The following PIK3C3 variants were observed in gnomAD, a reference collection of about 807,000 sequenced individuals.
PIK3C3 encodes phosphatidylinositol 3-kinase catalytic subunit type 3, also known as PI3-kinase type 3.
Under a neutral mutation model 126.1 loss-of-function variants are expected in PIK3C3, and 95 were observed. The ratio of observed to expected loss-of-function variants is 0.75; its 90% CI spans 0.64 to 0.89. PIK3C3 has a LOEUF of 0.89. Ranked by LOEUF, PIK3C3 falls within the 40% of genes least tolerant of loss-of-function variation. The pLI is 0.00. For missense variants in PIK3C3, 829 were observed against 1,063.2 expected (o/e 0.78, Z 3.06); for synonymous variants, 374 against 360.0 (o/e 1.04, Z -0.44).
In PIK3C3 at chr18:42,083,893, A is replaced by G. The variant is rs1598970233; in HGVS notation, c.*2756A>G. The stretch of plus-strand genomic sequence containing the variant: ...ATTTTTCACTGAGATAATGGTAGTG[A>G]TAGTACTGACCTCTAATGTGTGCAT... On this transcript the variant is annotated 3_prime_UTR_variant, in exon 25 of 25. Coordinates refer to ENST00000262039, the MANE Select transcript of PIK3C3 (RefSeq NM_002647.4). 1 of 152,210 alleles carries G rather than the reference A, an allele frequency of 6.6e-6. No individual in the cohort carries two copies. The highest frequency in any genetic ancestry group is 6.5e-5 in the Admixed American group (1 of 15,274). 9.4% of individuals were successfully genotyped at this position (152,210 alleles called of 1,614,324 possible). A position where few individuals can be genotyped will look rare whatever the true frequency, so the allele number is the denominator to read the frequency against.
Position 41,995,997 on chromosome 18 carries a change from A to G in PIK3C3, c.891+3A>G, listed in dbSNP as rs1982006415. 2 of 1,577,340 alleles carry G rather than the reference A, an allele frequency of 1.3e-6. No individual in the cohort carries two copies. Among genetic ancestry groups the G allele is most frequent in the Non-Finnish European group, 1.7e-6 (2 of 1,147,334 alleles). ...CTGCCACGAGAGATCAGTTAAATGT[A>G]AGAGAATTATGAAATATTAATTTAA... On this transcript the variant is annotated splice_donor_region_variant and intron_variant, in intron 8 of 24. Transcript: ENST00000262039.
At chr18:42,081,025 AT>A (rs1188966783) in intron 24 of PIK3C3, 97 bp from the exon 25 acceptor site, 2 of 703,128 alleles carry the variant, frequency 2.8e-6, no homozygotes, top group Non-Finnish European at 4.8e-6. Context: ...TGCACTTTTT[AT>A]TTTATTAGTA....
intron 9 of PIK3C3, among the ~76,000 whole-genome samples, chr18:41,999,522 G>C (rs1456607907): frequency 6.6e-6 from 1 of 152,076 alleles, no homozygotes; most frequent in Non-Finnish European, 1.5e-5. Flanking sequence ...GAAATTGATG[G>C]TGACCCATGG....
intron 4 of PIK3C3, among the ~76,000 whole-genome samples, chr18:41,975,938 G>T (rs904072970): frequency 6.6e-6 from 1 of 152,146 alleles, no homozygotes; most frequent in Non-Finnish European, 1.5e-5. Flanking sequence ...CTGACCTCGT[G>T]ATCTGCCTGC....
chr18:42,003,719 A>C (rs1017182233), intron 9 of PIK3C3, among the ~76,000 whole-genome samples: 1 of 152,226 alleles, frequency 6.6e-6, no homozygotes, highest in Non-Finnish European at 1.5e-5. Context: ...AAAGATGTAC[A>C]ACCAGCCAGA....
At chr18:42,068,441 A>G (rs558365193) in intron 24 of PIK3C3, among the ~76,000 whole-genome samples, 4 of 152,308 alleles carry the variant, frequency 2.6e-5, no homozygotes, top group South Asian at 2.1e-4. Context: ...CCAGAAATCA[A>G]TCTTCTTAAT....
chr18:42,051,964 T>A (rs1984823382), intron 21 of PIK3C3, among the ~76,000 whole-genome samples: 1 of 151,314 alleles, frequency 6.6e-6, no homozygotes, highest in African/African-American at 2.4e-5. Context: ...CCCTAAAACT[T>A]AAAGTATAAT....
chr18:41,961,805 T>C (rs534933157), intron 2 of PIK3C3, among the ~76,000 whole-genome samples: 1 of 152,176 alleles, frequency 6.6e-6, no homozygotes, highest in African/African-American at 2.4e-5. Context: ...CATAAATATA[T>C]AGAGGGTTTA....
Position 42,038,980 on chromosome 18 carries a change from TCCTG to T in PIK3C3, c.2038+136_2038+139del, listed in dbSNP as rs1433613050. ...GTAGCACTGAAGACAAGTTGGACCTTCCTGCCTGCTTCCCTTCTGTCTTTCCTTC... is the reference window on the plus strand; with the variant it reads ...GTAGCACTGAAGACAAGTTGGACCTTCCTGCTTCCCTTCTGTCTTTCCTTC... On this transcript the variant is annotated intron_variant, in intron 18 of 24. Coordinates refer to ENST00000262039, the MANE Select transcript of PIK3C3 (RefSeq NM_002647.4). 4.3e-5 allele frequency: 26 copies of T among 608,010 alleles called. No homozygotes were observed. The South Asian group carries it at 5.2e-4, about 12-fold the overall frequency. The allele number at this position is 608,010 out of a possible 1,614,324, so 37.7% of individuals were successfully genotyped here. A position where few individuals can be genotyped will look rare whatever the true frequency, so the allele number is the denominator to read the frequency against.
chr18:42,032,942 T>G (rs1429985612), intron 15 of PIK3C3, among the ~76,000 whole-genome samples: 1 of 152,136 alleles, frequency 6.6e-6, no homozygotes, highest in Non-Finnish European at 1.5e-5. Flanking sequence ...CTGAACTTCT[T>G]TCACTGATTC....
chr18:42,059,597 A>G (rs1985226400), intron 22 of PIK3C3, among the ~76,000 whole-genome samples: 1 of 152,196 alleles, frequency 6.6e-6, no homozygotes, highest in Non-Finnish European at 1.5e-5. Context: ...AATTCAATAG[A>G]ATAAGAAAAC....
chr18:42,003,736 A>G (rs1982404103), intron 9 of PIK3C3, among the ~76,000 whole-genome samples: 1 of 152,158 alleles, frequency 6.6e-6, no homozygotes, highest in South Asian at 2.1e-4. Flanking sequence ...CAGATCATAG[A>G]CTGTTTGCTG....
chr18:42,031,606 G>A (rs887897236), intron 15 of PIK3C3, among the ~76,000 whole-genome samples: 24 of 151,900 alleles, frequency 1.6e-4, no homozygotes, highest in Non-Finnish European at 2.9e-4. Flanking sequence ...TAGTAAAGAT[G>A]GGGGGGTTTC....
rs779217200 is a variant in PIK3C3, at chr18:42,004,532, C to T, written c.1161C>T (p.Ala387=). The stretch of plus-strand genomic sequence containing the variant: ...ATGCTGTTGCCCGGTTGCGACAGGC[C>T]GATGATGAGGTGCATTATTATTTAT... ...RRYAVARLRQ[A]DDEDLLMYLL... Residue 387 remains alanine (A), a synonymous_variant, in exon 10 of 25, where the codon GCC becomes GCT. Coordinates refer to ENST00000262039, the MANE Select transcript of PIK3C3 (RefSeq NM_002647.4). 11 of 1,588,258 alleles carry T rather than the reference C, an allele frequency of 6.9e-6. No homozygotes were observed. The Middle Eastern group carries it at 5.1e-4, about 73-fold the overall frequency.
chr18:42,001,466 A>G (rs1598884239), intron 9 of PIK3C3, among the ~76,000 whole-genome samples: 2 of 152,280 alleles, frequency 1.3e-5, no homozygotes, highest in African/African-American at 2.4e-5. Context: ...TTCTCTTTAC[A>G]TTTTTACATG....
chr18:41,977,291 A>C (rs938502444), intron 4 of PIK3C3, among the ~76,000 whole-genome samples: 1 of 152,184 alleles, frequency 6.6e-6, no homozygotes, highest in African/African-American at 2.4e-5. Flanking sequence ...AGTCAGTGCA[A>C]CCTCAAAGGA....
At chr18:42,008,965 T>C (rs1266040895) in intron 10 of PIK3C3, among the ~76,000 whole-genome samples, 2 of 152,140 alleles carry the variant, frequency 1.3e-5, no homozygotes, top group African/African-American at 4.8e-5. Flanking sequence ...GGTTAACTCT[T>C]TTCTGTAATT....
Position 42,037,678 on chromosome 18 carries a change from T to G in PIK3C3, c.1840-14T>G. ...TTCATGGCCAAATTTGAAATCAATA[T>G]TTTTATTTTCCAGAGTGCCCTTATG... On this transcript the variant is annotated splice_polypyrimidine_tract_variant and intron_variant, in intron 16 of 24. Coordinates refer to ENST00000262039, the MANE Select transcript of PIK3C3 (RefSeq NM_002647.4). The G allele has an allele frequency of 1.9e-6, 3 of 1,597,078 alleles. No homozygotes were observed. The highest frequency in any genetic ancestry group is 2.6e-6 in the Non-Finnish European group (3 of 1,169,342).
chr18:42,012,204 A>G (rs1470878546), intron 10 of PIK3C3, among the ~76,000 whole-genome samples: 3 of 151,800 alleles, frequency 2.0e-5, no homozygotes, highest in African/African-American at 7.3e-5. Context: ...AAAAAATGCA[A>G]TGTGTGCAAG....
Sources: allele counts gnomAD v4.1 joint callset (sites outside exome capture counted in the v4.1 genomes callset), GRCh38; gene constraint gnomAD v4.1.1; transcripts MANE v1.5; gene names NCBI Gene and HGNC (gene_info 2026-07-23, HGNC 2026-07-21).